Variants in FAM47C observed in about 807,000 individuals in gnomAD.
FAM47C encodes the protein family with sequence similarity 47 member C, also known as putative protein FAM47C.
For synonymous variants in FAM47C, 307 were observed against 346.5 expected (o/e 0.89, Z 1.27); for missense variants, 847 against 879.9 (o/e 0.96, Z 0.47).
rs369396417 is a variant in FAM47C, at chrX:37,009,279, G to A, written c.869G>A (p.Arg290His). 1 of 1,209,032 alleles carries A rather than the reference G, an allele frequency of 8.3e-7. No individual in the cohort carries two copies. Among genetic ancestry groups the A allele is most frequent in the Non-Finnish European group, 1.1e-6 (1 of 894,611 alleles). Reference sequence around the variant, plus strand: ...CTCTGCCCAGAGCCTCCCAAGACTCGCGTATCTCATCTCCATCGGGAGCCT... The same window carrying A: ...CTCTGCCCAGAGCCTCCCAAGACTCACGTATCTCATCTCCATCGGGAGCCT... Reference protein sequence around the residue: ...SHLCPEPPKTRVSHLHREPPE... With the variant: ...SHLCPEPPKTHVSHLHREPPE... Residue 290 changes from arginine (R) to histidine (H), a missense_variant, in exon 1 of 1, where the codon CGC becomes CAC. Transcript: ENST00000358047.
At position 37,010,419 on chromosome X, in the gene FAM47C, C is replaced by T. The variant is rs1395373719; in HGVS notation, c.2009C>T (p.Pro670Leu). 23 of 1,182,132 alleles carry T rather than the reference C, an allele frequency of 1.9e-5. 1 individual carries two copies. Among genetic ancestry groups the T allele is most frequent in the Non-Finnish European group, 2.6e-5 (23 of 883,220 alleles). ...CGGGTGTCCAGTCTCCCCCCGGAGC[C>T]CCCCGAGACTGGAGTGTCCCATCTC... ...KTRVSSLPPE[P>L]PETGVSHLCP... The change falls in exon 1 of 1, where the codon CCC becomes CTC. Residue 670 changes from proline to leucine, a missense_variant. Coordinates refer to ENST00000358047, the MANE Select transcript of FAM47C (RefSeq NM_001013736.3).
rs782206328 is a variant in FAM47C at position 37,010,094 on chromosome X, C to T, written c.1684C>T (p.Pro562Ser). Residue 562 changes from proline to serine, a missense_variant, in exon 1 of 1, where the codon CCT (proline) becomes TCT (serine). Pro to Ser is a moderately conservative substitution (Grantham distance 74). Transcript: ENST00000358047. Reference protein sequence around the residue: ...ETGVSHLRPEPPKTRMYSLRP... With the variant: ...ETGVSHLRPESPKTRMYSLRP... ...TGGAGTGTCCCATCTCCGCCCAGAG[C>T]CTCCCAAGACTCGGATGTACAGTCT... The T allele has an allele frequency of 7.5e-6, 9 of 1,200,399 alleles. No individual in the cohort carries two copies. Among genetic ancestry groups the T allele is most frequent in the Admixed American group, 2.2e-5 (1 of 45,177 alleles).
Position 37,009,235 on chromosome X carries a change from T to C in FAM47C, c.825T>C (p.Pro275=), listed in dbSNP as rs782446904. 8.3e-7 allele frequency: 1 copy of C among 1,198,660 alleles called. No homozygotes were observed. The highest frequency in any genetic ancestry group is 2.2e-5 in the Admixed American group (1 of 44,918). Residue 275 remains proline, a synonymous_variant, in exon 1 of 1, where the codon CCT becomes CCC. Transcript: ENST00000358047. ...TGVSHLYLEP[P]GTGVSHLCPE... is the part of the protein sequence containing the mutation. ...TGTCCCATCTCTACCTGGAGCCTCC[T>C]GGGACTGGAGTGTCTCATCTCTGCC...
In FAM47C at chrX:37,010,506, T is replaced by A. The variant is rs1349367473; in HGVS notation, c.2096T>A (p.Val699Glu). The A allele has an allele frequency of 1.7e-6, 2 of 1,200,252 alleles. No individual in the cohort carries two copies. Among genetic ancestry groups the A allele is most frequent in the Non-Finnish European group, 2.2e-6 (2 of 892,113 alleles). Residue 699 changes from valine to glutamate, a missense_variant, in exon 1 of 1, where the codon GTG becomes GAG. Physicochemically the swap from Val to Glu is moderately radical, Grantham distance 121 (BLOSUM62 -2). Transcript: ENST00000358047. ...HLRPEPPETG[V>E]SRLHPEPPKT... Reference sequence around the variant, plus strand: ...CGCCCAGAGCCTCCTGAGACTGGAGTGTCCCGTCTCCACCCAGAGCCTCCC... The same window carrying A: ...CGCCCAGAGCCTCCTGAGACTGGAGAGTCCCGTCTCCACCCAGAGCCTCCC...
rs782247299 is a variant in FAM47C, at chrX:37,008,899, C to T, written c.489C>T (p.Gly163=). 1 of 1,212,028 alleles carries T rather than the reference C, an allele frequency of 8.3e-7. No homozygotes were observed. The change falls in exon 1 of 1, where the codon GGC becomes GGT. Residue 163 remains glycine (G), a synonymous_variant. Transcript: ENST00000358047. ...CTGAGAGGAAGCTGGAGGACGCAGGCTCTTGTGAGGGCCAGGAGAAGACAA... is the reference window on the plus strand; with the variant it reads ...CTGAGAGGAAGCTGGAGGACGCAGGTTCTTGTGAGGGCCAGGAGAAGACAA... The part of the protein sequence containing the change: ...LDPERKLEDA[G]SCEGQEKTTD...
In FAM47C at chrX:37,010,237, G is replaced by A. The variant is rs1927748822; in HGVS notation, c.1827G>A (p.Glu609=). ...PETGVSHLCP[E]PPETRVSHLR... ...CTGGAGTGTCCCATCTCTGCCCGGA[G>A]CCTCCAGAGACTCGCGTATCTCATC... The change falls in exon 1 of 1, where the codon GAG becomes GAA. Residue 609 remains glutamate (E), a synonymous_variant. Transcript: ENST00000358047. 1 of 1,162,479 alleles carries A rather than the reference G, an allele frequency of 8.6e-7. No individual in the cohort carries two copies. The highest frequency in any genetic ancestry group is 3.1e-5 in the East Asian group (1 of 32,043).
rs782110187 is a variant in FAM47C at position 37,010,466 on chromosome X, C to T, written c.2056C>T (p.Arg686Cys). 11 of 1,181,854 alleles carry T rather than the reference C, an allele frequency of 9.3e-6. No homozygotes were observed. The South Asian group carries it at 1.8e-4, about 19-fold the overall frequency. Reference sequence around the variant, plus strand: ...TCTCTGCCCGGAGCCTCCAGAGACTCGCGTATCTCATCTCCGCCCAGAGCC... The same window carrying T: ...TCTCTGCCCGGAGCCTCCAGAGACTTGCGTATCTCATCTCCGCCCAGAGCC... ...SHLCPEPPET[R>C]VSHLRPEPPE... Residue 686 changes from arginine (R) to cysteine (C), a missense_variant, in exon 1 of 1, where the codon CGC becomes TGC. Coordinates refer to ENST00000358047, the MANE Select transcript of FAM47C (RefSeq NM_001013736.3).
chrX:37,010,062 C>T lies in FAM47C; in HGVS notation c.1652C>T (p.Pro551Leu), dbSNP rs782808942. 1.7e-6 allele frequency: 2 copies of T among 1,204,395 alleles called. No individual in the cohort carries two copies. Among genetic ancestry groups the T allele is most frequent in the Non-Finnish European group, 1.1e-6 (1 of 893,147 alleles). Reference sequence around the variant, plus strand: ...GTATCTCATCTCCGCCCAGAGCCTCCTGAGACTGGAGTGTCCCATCTCCGC... The same window carrying T: ...GTATCTCATCTCCGCCCAGAGCCTCTTGAGACTGGAGTGTCCCATCTCCGC... ...SSVSHLRPEPPETGVSHLRPE... is the reference protein window; with the variant it reads ...SSVSHLRPEPLETGVSHLRPE... The change falls in exon 1 of 1, where the codon CCT becomes CTT. Residue 551 changes from proline (P) to leucine (L), a missense_variant. By Grantham distance (98) the Pro-to-Leu change is moderately conservative (BLOSUM62 -3). Transcript: ENST00000358047.
Position 37,010,304 on chromosome X carries a change from C to G in FAM47C, c.1894C>G (p.Pro632Ala), listed in dbSNP as rs1927751862. 26 of 1,180,998 alleles carry G rather than the reference C, an allele frequency of 2.2e-5. No individual in the cohort carries two copies. The highest frequency in any genetic ancestry group is 2.7e-5 in the Non-Finnish European group (24 of 885,436). Reference protein sequence around the residue: ...PPETGVSHLRPEPPKTRMYSL... With the variant: ...PPETGVSHLRAEPPKTRMYSL... ...TGAGACTGGAGTGTCCCATCTCCGCCCAGAGCCTCCCAAGACTCGGATGTA... is the reference window on the plus strand; with the variant it reads ...TGAGACTGGAGTGTCCCATCTCCGCGCAGAGCCTCCCAAGACTCGGATGTA... Residue 632 changes from proline to alanine, a missense_variant, in exon 1 of 1, where the codon CCA becomes GCA. Pro to Ala is a conservative substitution (Grantham distance 27). Coordinates refer to ENST00000358047, the MANE Select transcript of FAM47C (RefSeq NM_001013736.3).
In FAM47C at chrX:37,008,478, A is replaced by C; in HGVS notation, c.68A>C (p.Asp23Ala). 1 of 1,212,361 alleles carries C rather than the reference A, an allele frequency of 8.2e-7. No homozygotes were observed. The highest frequency in any genetic ancestry group is 1.1e-6 in the Non-Finnish European group (1 of 895,524). The stretch of plus-strand genomic sequence containing the variant: ...ATGGACTCCACGCCCTGGTACTGTG[A>C]CAAACCGCCTTCCAAGTACTTCGCG... ...PGMDSTPWYC[D>A]KPPSKYFAKR... The change falls in exon 1 of 1, where the codon GAC (aspartate) becomes GCC (alanine). Residue 23 changes from aspartate (D) to alanine (A), a missense_variant. Physicochemically the swap from Asp to Ala is moderately radical, Grantham distance 126. Coordinates refer to ENST00000358047, the MANE Select transcript of FAM47C (RefSeq NM_001013736.3).
chrX:37,008,983 C>G lies in FAM47C; in HGVS notation c.573C>G (p.Pro191=), dbSNP rs782508474. The change falls in exon 1 of 1, where the codon CCC becomes CCG. Residue 191 remains proline, a synonymous_variant. Transcript: ENST00000358047. ...YPCGEFSPRP[P]ETRVSCLPPE... is the part of the protein sequence containing the mutation. Reference sequence around the variant, plus strand: ...GTGGGGAATTCTCCCCTCGGCCTCCCGAGACTCGGGTGTCCTGTCTCCCCC... The same window carrying G: ...GTGGGGAATTCTCCCCTCGGCCTCCGGAGACTCGGGTGTCCTGTCTCCCCC... 5 of 1,210,006 alleles carry G rather than the reference C, an allele frequency of 4.1e-6. No homozygotes were observed. The East Asian group carries it at 1.5e-4, about 36-fold the overall frequency.
rs148309296 is a variant in FAM47C, at chrX:37,008,447, C to A, written c.37C>A (p.Pro13Thr). 9 of 1,208,842 alleles carry A rather than the reference C, an allele frequency of 7.4e-6. No homozygotes were observed. In the African/African-American group the frequency reaches 1.6e-4, roughly 21 times the overall value. The change falls in exon 1 of 1, where the codon CCG (proline) becomes ACG (threonine). Residue 13 changes from proline to threonine, a missense_variant. Transcript: ENST00000358047. ...DQRPQDRPSSPGMDSTPWYCD... is the reference protein window; with the variant it reads ...DQRPQDRPSSTGMDSTPWYCD... ...GAGGCCGCAGGACCGGCCCAGTTCC[C>A]CGGGCATGGACTCCACGCCCTGGTA...
chrX:37,011,628 A>T lies in FAM47C; in HGVS notation c.*110A>T. On this transcript the variant is annotated 3_prime_UTR_variant, in exon 1 of 1. Coordinates refer to ENST00000358047, the MANE Select transcript of FAM47C (RefSeq NM_001013736.3). Reference sequence around the variant, plus strand: ...ATGTACAACGTTGGCAACATCTGTAAATTCAATACCTAATGTTTATAAATA... The same window carrying T: ...ATGTACAACGTTGGCAACATCTGTATATTCAATACCTAATGTTTATAAATA... 1.6e-6 allele frequency: 1 copy of T among 636,523 alleles called. No homozygotes were observed. Among genetic ancestry groups the T allele is most frequent in the South Asian group, 4.3e-5 (1 of 23,345 alleles). The allele number at this position is 636,523 out of a possible 1,213,427, so 52.5% of individuals were successfully genotyped here.
At position 37,009,334 on chromosome X, in the gene FAM47C, G is replaced by A. The variant is rs782457772; in HGVS notation, c.924G>A (p.Leu308=). 71 of 1,202,139 alleles carry A rather than the reference G, an allele frequency of 5.9e-5. No individual in the cohort carries two copies. The highest frequency in any genetic ancestry group is 7.8e-5 in the Non-Finnish European group (70 of 892,921). The change falls in exon 1 of 1, where the codon CTG becomes CTA. Residue 308 remains leucine, a synonymous_variant. Coordinates refer to ENST00000358047, the MANE Select transcript of FAM47C (RefSeq NM_001013736.3). The part of the protein sequence containing the change: ...PPETGVPDLC[L]EPPKSRVSHL... ...AGACTGGAGTGCCTGATCTCTGCCTGGAGCCTCCCAAGTCACGCGTATCTC... is the reference window on the plus strand; with the variant it reads ...AGACTGGAGTGCCTGATCTCTGCCTAGAGCCTCCCAAGTCACGCGTATCTC...
Position 37,009,202 on chromosome X carries a change from G to T in FAM47C, c.792G>T (p.Glu264Asp), listed in dbSNP as rs1556331891. ...QVSSLHLEPP[E>D]TGVSHLYLEP... Reference sequence around the variant, plus strand: ...CCAGTCTCCACCTGGAGCCTCCCGAGACTGGAGTGTCCCATCTCTACCTGG... The same window carrying T: ...CCAGTCTCCACCTGGAGCCTCCCGATACTGGAGTGTCCCATCTCTACCTGG... The change falls in exon 1 of 1, where the codon GAG becomes GAT. Residue 264 changes from glutamate (E) to aspartate (D), a missense_variant. By Grantham distance (45) the Glu-to-Asp change is conservative. Coordinates refer to ENST00000358047, the MANE Select transcript of FAM47C (RefSeq NM_001013736.3). 1 of 1,210,836 alleles carries T rather than the reference G, an allele frequency of 8.3e-7. No homozygotes were observed. Among genetic ancestry groups the T allele is most frequent in the Non-Finnish European group, 1.1e-6 (1 of 895,226 alleles).
At position 37,010,023 on chromosome X, in the gene FAM47C, C is replaced by T; in HGVS notation, c.1613C>T (p.Pro538Leu). 8.4e-7 allele frequency: 1 copy of T among 1,193,378 alleles called. No individual in the cohort carries two copies. Among genetic ancestry groups the T allele is most frequent in the Non-Finnish European group, 1.1e-6 (1 of 888,154 alleles). ...CTGGTGTCCAGTCTCCACCAGGCAC[C>T]TCCTGAGAGTAGCGTATCTCATCTC... ...KILVSSLHQA[P>L]PESSVSHLRP... The change falls in exon 1 of 1, where the codon CCT (proline) becomes CTT (leucine). Residue 538 changes from proline (P) to leucine (L), a missense_variant. By Grantham distance (98) the Pro-to-Leu change is moderately conservative (BLOSUM62 -3). Transcript: ENST00000358047.
chrX:37,009,096 C>T lies in FAM47C; in HGVS notation c.686C>T (p.Thr229Ile), dbSNP rs782732673. ...CATCTCCGCCCACAGCCTCCCAAGA[C>T]TCAGGTGTCCAGTCTCCACCTGGAG... ...VSHLRPQPPK[T>I]QVSSLHLEPP... Residue 229 changes from threonine (T) to isoleucine (I), a missense_variant, in exon 1 of 1, where the codon ACT becomes ATT. Coordinates refer to ENST00000358047, the MANE Select transcript of FAM47C (RefSeq NM_001013736.3). 17 of 1,208,053 alleles carry T rather than the reference C, an allele frequency of 1.4e-5. No homozygotes were observed. In the Admixed American group the frequency reaches 3.5e-4, roughly 25 times the overall value.
In FAM47C at chrX:37,010,353, A is replaced by G. The variant is rs782282029; in HGVS notation, c.1943A>G (p.Asn648Ser). The part of the protein sequence containing the change: ...RMYSLRPEPP[N>S]TGVSHLCPEP... ...TACAGTCTCCGCCCGGAGCCTCCCA[A>G]TACTGGAGTGTCCCATCTCTGCCCA... Residue 648 changes from asparagine (N) to serine (S), a missense_variant, in exon 1 of 1, where the codon AAT becomes AGT. Asn to Ser is a conservative substitution (Grantham distance 46). Transcript: ENST00000358047. 2 of 1,182,213 alleles carry G rather than the reference A, an allele frequency of 1.7e-6. No individual in the cohort carries two copies. The highest frequency in any genetic ancestry group is 3.1e-5 in the East Asian group (1 of 32,682).
At position 37,011,063 on chromosome X, in the gene FAM47C, C is replaced by T; in HGVS notation, c.2653C>T (p.Gln885Ter). The T allele has an allele frequency of 8.3e-7, 1 of 1,211,890 alleles. No individual in the cohort carries two copies. Among genetic ancestry groups the T allele is most frequent in the Non-Finnish European group, 1.1e-6 (1 of 895,593 alleles). Residue 885 changes from glutamine to a stop codon, truncating the protein, a stop_gained, in exon 1 of 1, where the codon CAA becomes TAA. Coordinates refer to ENST00000358047, the MANE Select transcript of FAM47C (RefSeq NM_001013736.3). LOFTEE classifies it low-confidence loss of function (END_TRUNC). Reference protein sequence around the residue: ...TPECRATYQDQKNKKANECSS... With the variant: ...TPECRATYQD ...TGAGTGCAGAGCAACCTATCAAGAC[C>T]AAAAGAATAAGAAGGCAAACGAGTG...
Sources: allele counts gnomAD v4.1 joint callset, GRCh38; gene constraint gnomAD v4.1.1; transcripts MANE v1.5; gene names NCBI Gene and HGNC (gene_info 2026-07-23, HGNC 2026-07-21).